The following PCDH15 variants were observed in gnomAD, a reference collection of about 807,000 sequenced individuals.
PCDH15 encodes the protein protocadherin-15.
In PCDH15, 129 loss-of-function variants were observed where a neutral mutation model predicts 178.5. That is an observed-to-expected ratio of 0.72 (90% CI 0.63 to 0.84). The LOEUF (loss-of-function observed/expected upper bound fraction) is 0.84. Among genes scored for constraint, PCDH15 ranks in the 40% least tolerant of loss-of-function variants. PCDH15 has a pLI of 0.00. For synonymous variants in PCDH15, 800 were observed against 732.0 expected (o/e 1.09, Z -1.50); for missense variants, 2,230 against 2,099.9 (o/e 1.06, Z -1.21).
intron 9 of PCDH15, among the ~76,000 whole-genome samples, chr10:54,226,085 T>A (rs2053412460): frequency 6.6e-6 from 1 of 152,094 alleles, no homozygotes; most frequent in African/African-American, 2.4e-5. Context: ...TTATGCAAAT[T>A]TGTTGTTTTA....
At chr10:54,889,972 T>C (rs1954431016) in intron 3 of PCDH15, among the ~76,000 whole-genome samples, 1 of 151,966 alleles carries the variant, frequency 6.6e-6, no homozygotes, top group Non-Finnish European at 1.5e-5. Flanking sequence ...ATTGTACCTT[T>C]TTATTTATTA....
intron 2 of PCDH15, among the ~76,000 whole-genome samples, chr10:54,629,545 T>A (rs924287240): frequency 1.4e-4 from 21 of 152,066 alleles, no homozygotes; most frequent in Non-Finnish European, 3.1e-4. Context: ...AAATTCGACA[T>A]CTCTTTATGA....
intron 3 of PCDH15, among the ~76,000 whole-genome samples, chr10:54,419,716 C>T (rs971180964): frequency 1.3e-5 from 2 of 152,076 alleles, no homozygotes; most frequent in Non-Finnish European, 2.9e-5. Context: ...ACTATCAATT[C>T]CCCTTAAAGC....
chr10:55,256,038 G>A lies in PCDH15; in HGVS notation c.-156+63561C>T, dbSNP rs1841988088. On this transcript the variant is annotated intron_variant, in intron 1 of 5. Transcript: ENST00000458638. Reference sequence around the variant, plus strand: ...AAGTCCTTGCCCATGCCTATGTCCTGAATGGTATTGCCTAGGTTTTCTTCT... The same window carrying A: ...AAGTCCTTGCCCATGCCTATGTCCTAAATGGTATTGCCTAGGTTTTCTTCT... 3.3e-5 allele frequency among the ~76,000 whole-genome samples: 5 copies of A among 152,094 alleles called. No homozygotes were observed. The South Asian group carries it at 8.3e-4, about 25-fold the overall frequency.
intron 2 of PCDH15, among the ~76,000 whole-genome samples, chr10:55,016,613 T>C (rs1392940492): frequency 6.6e-6 from 1 of 152,204 alleles, no homozygotes; most frequent in African/African-American, 2.4e-5. Context: ...TAGTACTTCA[T>C]TGTGTATATG....
intron 2 of PCDH15, among the ~76,000 whole-genome samples, chr10:55,509,220 A>G (rs1006773008): frequency 6.6e-6 from 1 of 151,786 alleles, no homozygotes; most frequent in African/African-American, 2.4e-5. Context: ...TGCCCTCAGA[A>G]GATTTTAGGA....
chr10:54,735,278 T>C (rs34992380), intron 1 of PCDH15, among the ~76,000 whole-genome samples: 53,145 of 151,864 alleles, frequency 0.35, 9,401 homozygotes, highest in East Asian at 0.4. Flanking sequence ...TCTTGAAAAA[T>C]ATTCTGTGTA....
At chr10:55,163,274 C>T (rs1839110184) in intron 2 of PCDH15, among the ~76,000 whole-genome samples, 1 of 152,112 alleles carries the variant, frequency 6.6e-6, no homozygotes, top group Admixed American at 6.6e-5. Flanking sequence ...TCAGCTATAT[C>T]TGGGCAAGAT....
intron 2 of PCDH15, among the ~76,000 whole-genome samples, chr10:54,976,837 GT>G (rs1238894996): frequency 6.6e-6 from 1 of 152,118 alleles, no homozygotes; most frequent in Non-Finnish European, 1.5e-5. Flanking sequence ...GAGGGGATTA[GT>G]TTTAGGGAGG....
intron 28 of PCDH15, among the ~76,000 whole-genome samples, chr10:53,841,442 T>A (rs1398346797): frequency 6.6e-6 from 1 of 152,174 alleles, no homozygotes; most frequent in East Asian, 1.9e-4. Context: ...AAATAACTTT[T>A]GCTTCTAATG....
chr10:54,734,788 C>T (rs981839865), intron 1 of PCDH15, among the ~76,000 whole-genome samples: 1 of 151,892 alleles, frequency 6.6e-6, no homozygotes, highest in Non-Finnish European at 1.5e-5. Flanking sequence ...GATATCCTAA[C>T]TGAAAAAAGT....
chr10:54,358,967 C>T (rs567917902), intron 5 of PCDH15, among the ~76,000 whole-genome samples: 2 of 137,464 alleles, frequency 1.5e-5, no homozygotes, highest in East Asian at 2.1e-4. Context: ...ACAATGAGAA[C>T]ACATGGACAC....
At chr10:54,509,139 A>G (rs1416035209) in intron 3 of PCDH15, among the ~76,000 whole-genome samples, 1 of 152,058 alleles carries the variant, frequency 6.6e-6, no homozygotes, top group Non-Finnish European at 1.5e-5. Flanking sequence ...GAAACTGGTT[A>G]TTGACACTTA....
intron 2 of PCDH15, among the ~76,000 whole-genome samples, chr10:55,160,772 A>G (rs544045344): frequency 1.3e-5 from 2 of 152,162 alleles, no homozygotes; most frequent in East Asian, 3.9e-4. Context: ...ATGCTCTTCC[A>G]TCTAGCAGCA....
chr10:54,926,212 C>T (rs1564634822), intron 2 of PCDH15, among the ~76,000 whole-genome samples: 2 of 151,890 alleles, frequency 1.3e-5, no homozygotes, highest in East Asian at 3.9e-4. Flanking sequence ...AATCATGTGG[C>T]TTTTTTCATT....
chr10:54,333,702 A>G (rs1430394916), intron 6 of PCDH15, among the ~76,000 whole-genome samples: 1 of 152,296 alleles, frequency 6.6e-6, no homozygotes, highest in Non-Finnish European at 1.5e-5. Flanking sequence ...ATAGGCATGT[A>G]TCATTAAGAC....
At chr10:54,626,736 G>C (rs2093563199) in intron 2 of PCDH15, among the ~76,000 whole-genome samples, 1 of 152,132 alleles carries the variant, frequency 6.6e-6, no homozygotes, top group Non-Finnish European at 1.5e-5. Context: ...TCCCTATTGG[G>C]GCACTGCCTA....
intron 2 of PCDH15, among the ~76,000 whole-genome samples, chr10:54,898,660 GTATT>G (rs1415832930): frequency 6.6e-6 from 1 of 151,994 alleles, no homozygotes; most frequent in Non-Finnish European, 1.5e-5. Context: ...GTTCTAATGA[GTATT>G]TATTTACTCC....
intron 25 of PCDH15, among the ~76,000 whole-genome samples, chr10:53,933,700 G>T (rs1338098655): frequency 6.6e-6 from 1 of 152,152 alleles, no homozygotes; most frequent in African/African-American, 2.4e-5. Context: ...GTAATGGGAT[G>T]GCTGGGTCAA....
Sources: allele counts gnomAD v4.1 joint callset (sites outside exome capture counted in the v4.1 genomes callset), GRCh38; gene constraint gnomAD v4.1.1; transcripts MANE v1.5; gene names NCBI Gene and HGNC (gene_info 2026-07-23, HGNC 2026-07-21).